ZBTB49: variants seen among roughly 807,000 people sequenced by gnomAD.
ZBTB49 encodes zinc finger and BTB domain-containing protein 49.
Under a neutral mutation model 57.5 loss-of-function variants are expected in ZBTB49, and 43 were observed. The ratio of observed to expected loss-of-function variants is 0.75; its 90% CI spans 0.59 to 0.97. The LOEUF is 0.97. Among genes scored for constraint, ZBTB49 ranks in the 50% least tolerant of loss-of-function variants. ZBTB49 has a pLI of 0.00. For synonymous variants in ZBTB49, 369 were observed against 362.1 expected (o/e 1.02, Z -0.22); for missense variants, 938 against 947.7 (o/e 0.99, Z 0.13).
Position 4,303,782 on chromosome 4 carries a change from C to CTATA in ZBTB49, c.1255+692_1255+693insATAT, listed in dbSNP as rs1189811492. ...TCTCTGTGTGTGTGTCTCTCTCTCT[C>CTATA]TCTATATATATATCTCCACACACAC... is the stretch of plus-strand genomic sequence containing the variant. On this transcript the variant is annotated intron_variant, in intron 3 of 7. Coordinates refer to ENST00000337872, the MANE Select transcript of ZBTB49 (RefSeq NM_145291.4). Among the ~76,000 whole-genome samples, 482 of 73,134 alleles carry CTATA rather than the reference C, an allele frequency of 6.6e-3. 3 individuals carry two copies. The highest frequency in any genetic ancestry group is 0.022 in the African/African-American group (435 of 19,868). 48.0% of individuals were successfully genotyped at this position (73,134 alleles called of 152,430 possible).
intron 4 of ZBTB49, among the ~76,000 whole-genome samples, chr4:4,306,841 G>A (rs191839798): frequency 9.6e-4 from 146 of 152,364 alleles, no homozygotes; most frequent in African/African-American, 3.3e-3. Flanking sequence ...GGCTTCCAGA[G>A]GTAGATCAGA....
At chr4:4,315,160 T>C (rs750449481) in intron 5 of ZBTB49, among the ~76,000 whole-genome samples, 1 of 152,212 alleles carries the variant, frequency 6.6e-6, no homozygotes, top group Non-Finnish European at 1.5e-5. Flanking sequence ...CGCACCTGGC[T>C]AGACCAGGGC....
At position 4,302,589 on chromosome 4, in the gene ZBTB49, G is replaced by T. The variant is rs149969128; in HGVS notation, c.753G>T (p.Thr251=). The change falls in exon 3 of 8, where the codon ACG becomes ACT. Residue 251 remains threonine (T), a synonymous_variant. Coordinates refer to ENST00000337872, the MANE Select transcript of ZBTB49 (RefSeq NM_145291.4). ...FAFSTSTDLT[T]VESQPCAVSH... is the part of the protein sequence containing the mutation. Reference sequence around the variant, plus strand: ...TCAGCACCTCTACAGACCTTACCACGGTAGAGAGCCAGCCTTGTGCCGTCA... The same window carrying T: ...TCAGCACCTCTACAGACCTTACCACTGTAGAGAGCCAGCCTTGTGCCGTCA... The T allele has an allele frequency of 3.7e-6, 6 of 1,613,748 alleles. No homozygotes were observed. The highest frequency in any genetic ancestry group is 1.7e-5 in the Admixed American group (1 of 59,952).
rs112865618 is a variant in ZBTB49 at position 4,302,872 on chromosome 4, G to A, written c.1036G>A (p.Glu346Lys). The change falls in exon 3 of 8, where the codon GAG becomes AAG. Residue 346 changes from glutamate to lysine, a missense_variant. Physicochemically the swap from Glu to Lys is moderately conservative, Grantham distance 56. This residue lies in a region of ZBTB49 where 835 missense variants were observed against 819.1 expected (regional missense o/e 1.02). Transcript: ENST00000337872. ...GGAATCTGCTAGTAAAAATACCCTA[G>A]AGAAAGCTAGCAGCCAAAGTGCTGA... ...RLESASKNTL[E>K]KASSQSAEEK... The A allele has an allele frequency of 3.5e-4, 570 of 1,613,928 alleles. 4 individuals are homozygous for A. In the African/African-American group the frequency reaches 6.2e-3, roughly 17 times the overall value.
chr4:4,312,629 GAA>G (rs1335077636), intron 4 of ZBTB49, among the ~76,000 whole-genome samples: 1 of 152,208 alleles, frequency 6.6e-6, no homozygotes, highest in East Asian at 1.9e-4. Context: ...AAACAATACT[GAA>G]ATAAGGACGT....
At chr4:4,304,180 A>G (rs1257106689) in intron 3 of ZBTB49, among the ~76,000 whole-genome samples, 2 of 151,902 alleles carry the variant, frequency 1.3e-5, no homozygotes, top group Non-Finnish European at 2.9e-5. Flanking sequence ...AAAACTTTAG[A>G]TGATTCTGTT....
chr4:4,313,541 G>A (rs1721066326), intron 5 of ZBTB49, among the ~76,000 whole-genome samples: 1 of 152,176 alleles, frequency 6.6e-6, no homozygotes, highest in Admixed American at 6.5e-5. Flanking sequence ...CCGTGGGTCT[G>A]TAACAGCCTG....
intron 1 of ZBTB49, among the ~76,000 whole-genome samples, chr4:4,296,619 A>T (rs905080653): frequency 2.0e-5 from 3 of 152,242 alleles, no homozygotes; most frequent in African/African-American, 7.2e-5. Context: ...TAAATTGCCC[A>T]GTCTTGGGTA....
At chr4:4,305,457 C>T (rs1720694001) in intron 3 of ZBTB49, among the ~76,000 whole-genome samples, 1 of 152,152 alleles carries the variant, frequency 6.6e-6, no homozygotes, top group Non-Finnish European at 1.5e-5. Context: ...CTTTTAAATT[C>T]AGATCATGTT....
chr4:4,308,501 A>G (rs1458551775), intron 4 of ZBTB49, among the ~76,000 whole-genome samples: 1 of 152,228 alleles, frequency 6.6e-6, no homozygotes, highest in African/African-American at 2.4e-5. Flanking sequence ...CCCGATCCAG[A>G]AACCCTTCCC....
At chr4:4,292,423 TA>T (rs1241630666) in intron 1 of ZBTB49, among the ~76,000 whole-genome samples, 3 of 152,196 alleles carry the variant, frequency 2.0e-5, no homozygotes, top group Non-Finnish European at 4.4e-5. Flanking sequence ...GGGCATTGTG[TA>T]AAGTTAAGTG....
At chr4:4,303,756 C>CTGTGTGTG (rs536603082) in intron 3 of ZBTB49, among the ~76,000 whole-genome samples, 1,290 of 93,568 alleles carry the variant, frequency 0.014, 32 homozygotes, top group African/African-American at 0.05. Context: ...CTCTCTCTCT[C>CTGTGTGTG]TCTCTGTGTG....
At chr4:4,311,148 T>A (rs1226756441) in intron 4 of ZBTB49, among the ~76,000 whole-genome samples, 3 of 152,240 alleles carry the variant, frequency 2.0e-5, no homozygotes, top group Admixed American at 2.0e-4. Context: ...CTTTAAAGAT[T>A]TTTCTACCAC....
Position 4,302,869 on chromosome 4 carries a change from C to T in ZBTB49, c.1033C>T (p.Leu345=). The change falls in exon 3 of 8, where the codon CTA becomes TTA. Residue 345 remains leucine, a synonymous_variant. Transcript: ENST00000337872. The part of the protein sequence containing the change: ...KRLESASKNT[L]EKASSQSAEE... ...GTTGGAATCTGCTAGTAAAAATACCCTAGAGAAAGCTAGCAGCCAAAGTGC... is the reference window on the plus strand; with the variant it reads ...GTTGGAATCTGCTAGTAAAAATACCTTAGAGAAAGCTAGCAGCCAAAGTGC... The T allele has an allele frequency of 6.2e-7, 1 of 1,613,866 alleles. No individual in the cohort carries two copies. The highest frequency in any genetic ancestry group is 8.5e-7 in the Non-Finnish European group (1 of 1,179,878).
intron 3 of ZBTB49, 140 bp downstream of exon 3, chr4:4,303,231 C>T (rs1720583222): frequency 9.7e-7 from 1 of 1,035,366 alleles, no homozygotes; most frequent in Non-Finnish European, 1.3e-6. Context: ...GGGGGATTAA[C>T]TACTTTTTGT....
rs541761638 is a variant in ZBTB49 at position 4,300,363 on chromosome 4, A to G, written c.152+266A>G. On this transcript the variant is annotated intron_variant, in intron 2 of 7. Coordinates refer to ENST00000337872, the MANE Select transcript of ZBTB49 (RefSeq NM_145291.4). The stretch of plus-strand genomic sequence containing the variant: ...AAAGTATTTTGGTTGTTTGTCTTTC[A>G]TTTTACTAATTCTGGCTAATGTCAG... Among the ~76,000 whole-genome samples, 6 of 152,282 alleles carry G rather than the reference A, an allele frequency of 3.9e-5. No homozygotes were observed. The South Asian group carries it at 1.2e-3, about 32-fold the overall frequency.
intron 2 of ZBTB49, 32 bp from the exon 3 acceptor site, chr4:4,301,957 G>C: frequency 7.0e-7 from 1 of 1,424,000 alleles, no homozygotes; most frequent in Non-Finnish European, 9.2e-7. Flanking sequence ...TGAATTTTTG[G>C]CACTGTAAAC....
At chr4:4,299,813 GAGAGAAAC>G in intron 1 of ZBTB49, 106 bp from the exon 2 acceptor site, 2 of 835,778 alleles carry the variant, frequency 2.4e-6, no homozygotes, top group Non-Finnish European at 3.4e-6. Context: ...GTGTGTGTGA[GAGAGAAAC>G]TGTGATGAGA....
At chr4:4,306,497 G>A (rs1263967639) in intron 4 of ZBTB49, among the ~76,000 whole-genome samples, 2 of 152,194 alleles carry the variant, frequency 1.3e-5, no homozygotes, top group African/African-American at 4.8e-5. Context: ...TGGCGTACCT[G>A]GAGGCTGCAC....
Sources: gnomAD v4.1 joint callset for allele counts (sites outside exome capture counted in the v4.1 genomes callset) on GRCh38, gnomAD v4.1.1 for gene constraint, gnomAD v4.1.1 regional missense constraint, MANE v1.5 for transcripts, NCBI Gene and HGNC (gene_info 2026-07-23, HGNC 2026-07-21) for gene names.